The following TAS2R10 variants were observed in gnomAD, a reference collection of about 807,000 sequenced individuals.
TAS2R10 encodes the protein taste 2 receptor member 10, also known as taste receptor type 2 member 10.
For missense variants in TAS2R10, 385 were observed against 362.0 expected, an observed-to-expected ratio of 1.06 and a Z score of -0.52; for synonymous variants, 144 against 126.6, an observed-to-expected ratio of 1.14 and a Z score of -0.92.
chr12:10,826,149 A>G (rs759433159), exon 1 of TAS2R10: 2 of 1,613,544 alleles, frequency 1.2e-6, no homozygotes. Flanking sequence ...CCAATCGTAG[A>G]TAACTTATTC....
chr12:10,825,433 T>C, exon 1 of TAS2R10: 1 of 1,613,660 alleles, frequency 6.2e-7, no homozygotes, highest in Non-Finnish European at 8.5e-7. Context: ...TGCTGTTTCC[T>C]AGAATTAAGA....
At chr12:10,825,471 C>T (rs1455350847) in exon 1 of TAS2R10, 5 of 1,613,678 alleles carry the variant, frequency 3.1e-6, no homozygotes, top group Non-Finnish European at 3.4e-6. Context: ...GGATAGATGG[C>T]TGTGGTTGTC....
At chr12:10,826,022 T>A in exon 1 of TAS2R10, 2 of 1,613,486 alleles carry the variant, frequency 1.2e-6, no homozygotes, top group South Asian at 2.2e-5. Flanking sequence ...GTAACTAATA[T>A]ATTCAATTAG....
chr12:10,826,204 CA>C, the TAS2R10 span: 1 of 1,613,184 alleles, frequency 6.2e-7, no homozygotes, highest in Non-Finnish European at 8.5e-7. Context: ...ATCCATTCCC[CA>C]AAACCCCAAA....
exon 1 of TAS2R10, chr12:10,825,555 A>G (rs1376163926): frequency 1.2e-6 from 2 of 1,613,748 alleles, no homozygotes; most frequent in Admixed American, 3.3e-5. Context: ...CCTATAAAAT[A>G]CAAGATAAAG....
At chr12:10,826,082 G>A in exon 1 of TAS2R10, 2 of 1,613,232 alleles carry the variant, frequency 1.2e-6, no homozygotes, top group Non-Finnish European at 1.7e-6. Flanking sequence ...AAATCCATCT[G>A]TAATTATTAT....
exon 1 of TAS2R10, chr12:10,825,987 T>C: frequency 6.2e-7 from 1 of 1,613,710 alleles, no homozygotes; most frequent in South Asian, 1.1e-5. Flanking sequence ...AACCACATAC[T>C]TGATTGATTA....
At chr12:10,825,874 C>T in exon 1 of TAS2R10, 1 of 1,613,252 alleles carries the variant, frequency 6.2e-7, no homozygotes, top group South Asian at 1.1e-5. Context: ...AGAATACTAT[C>T]ATGAAGGGAA....
the TAS2R10 span, chr12:10,825,390 G>A: frequency 6.2e-7 from 1 of 1,612,514 alleles, no homozygotes; most frequent in Non-Finnish European, 8.5e-7. Flanking sequence ...CACTTCAATT[G>A]CTGCAGTACC....
Position 10,826,127 on chromosome 12 carries a change from G to C in TAS2R10, c.143C>G (p.Thr48Ser), listed in dbSNP as rs568156582. ...AAAAATTCTTGAAATAGCTAAGCCG[G>C]TGAGAATAAAGCCAATCGTAGATAA... is the stretch of plus-strand genomic sequence containing the variant. Residue 48 changes from threonine (T) to serine (S), a missense_variant, in exon 1 of 1, where the codon ACC (threonine) becomes AGC (serine). By Grantham distance (58) the Thr-to-Ser change is moderately conservative. Transcript: ENST00000240619. The C allele has an allele frequency of 8.1e-5, 130 of 1,613,380 alleles. No individual in the cohort carries two copies. The South Asian group carries it at 1.4e-3, about 17-fold the overall frequency.
the TAS2R10 span, chr12:10,825,396 GT>G: frequency 8.9e-5 from 143 of 1,613,344 alleles, no homozygotes; most frequent in Admixed American, 1.5e-4. Context: ...AATTGCTGCA[GT>G]ACCCTCAAAG....
At chr12:10,825,318 G>A (rs758354369) in exon 1 of TAS2R10, 9 of 1,543,838 alleles carry the variant, frequency 5.8e-6, no homozygotes, top group African/African-American at 2.8e-5. Context: ...GATTCCTTTC[G>A]TGGAACATCC....
At chr12:10,826,338 ATTGGCTG>A in exon 1 of TAS2R10, 1 of 1,156,212 alleles carries the variant, frequency 8.6e-7, no homozygotes, top group Non-Finnish European at 1.2e-6. Context: ...TGAGGCATAT[ATTGGCTG>A]CTCGACGGAA....
At position 10,825,860 on chromosome 12, in the gene TAS2R10, A is replaced by G. The variant is rs756105112; in HGVS notation, c.410T>C (p.Leu137Pro). 4.3e-6 allele frequency: 7 copies of G among 1,612,872 alleles called. No individual in the cohort carries two copies. In the South Asian group the frequency reaches 7.7e-5, roughly 18 times the overall value. ...TGCAAAATTAAGTAACGATGAAATA[A>G]GTAAGAATACTATCATGAAGGGAAG... Residue 137 changes from leucine (L) to proline (P), a missense_variant, in exon 1 of 1, where the codon CTT becomes CCT. Leu to Pro is a moderately conservative substitution (Grantham distance 98, BLOSUM62 -3). Coordinates refer to ENST00000240619, the Ensembl canonical transcript of TAS2R10.
At chr12:10,825,958 G>T in exon 1 of TAS2R10, 1 of 1,613,730 alleles carries the variant, frequency 6.2e-7, no homozygotes, top group African/African-American at 1.3e-5. Flanking sequence ...GGAAATAGAA[G>T]ATGCTGAGGC....
exon 1 of TAS2R10, chr12:10,825,996 T>C: frequency 6.2e-7 from 1 of 1,613,674 alleles, no homozygotes; most frequent in Middle Eastern, 1.7e-4. Context: ...CTTGATTGAT[T>C]ACCAATTACC....
Position 10,825,329 on chromosome 12 carries a change from A to G in TAS2R10, c.*17T>C, listed in dbSNP as rs1442620230. ...ACTGGATTCCTTTCGTGGAACATCC[A>G]TCTCTTCCCAAGGTGTCTATGTGAC... On this transcript the variant is annotated 3_prime_UTR_variant, in exon 1 of 1. Coordinates refer to ENST00000240619, the Ensembl canonical transcript of TAS2R10. 3.2e-6 allele frequency: 5 copies of G among 1,575,042 alleles called. No individual in the cohort carries two copies. In the South Asian group the frequency reaches 4.7e-5, roughly 15 times the overall value.
exon 1 of TAS2R10, chr12:10,826,259 A>G (rs556763393): frequency 6.2e-7 from 1 of 1,605,066 alleles, no homozygotes; most frequent in Admixed American, 1.7e-5. Flanking sequence ...GCCTTCCACT[A>G]CACGTAGCAT....
exon 1 of TAS2R10, chr12:10,825,872 A>G (rs755259949): frequency 3.1e-6 from 5 of 1,613,300 alleles, no homozygotes; most frequent in Admixed American, 3.3e-5. Flanking sequence ...TAAGAATACT[A>G]TCATGAAGGG....
Sources: allele counts gnomAD v4.1 joint callset, GRCh38; gene constraint gnomAD v4.1.1; transcripts MANE v1.5; gene names NCBI Gene and HGNC (gene_info 2026-07-23, HGNC 2026-07-21).